RIMS2: variants seen among roughly 807,000 people sequenced by gnomAD.
RIMS2 encodes regulating synaptic membrane exocytosis protein 2.
A neutral mutation model predicts 174.4 loss-of-function variants in RIMS2; 59 were observed. The ratio of observed to expected loss-of-function variants is 0.34; its 90% CI spans 0.27 to 0.42. The LOEUF (loss-of-function observed/expected upper bound fraction) is 0.42, where lower values mean the gene tolerates loss of function less well. Ranked by LOEUF, RIMS2 falls within the 10% of genes least tolerant of loss-of-function variation. The pLI, the probability that RIMS2 is intolerant of heterozygous loss-of-function variation, is 1.00. For synonymous variants in RIMS2, 606 were observed against 572.5 expected (o/e 1.06, Z -0.84); for missense variants, 1,620 against 1,666.3 (o/e 0.97, Z 0.48).
At chr8:103,599,786 A>G (rs1227912259) in intron 1 of RIMS2, among the ~76,000 whole-genome samples, 1 of 151,922 alleles carries the variant, frequency 6.6e-6, no homozygotes, top group African/African-American at 2.4e-5. Flanking sequence ...TACATAGTAA[A>G]TATATATAGG....
At chr8:103,763,533 C>T (rs1533733) in intron 2 of RIMS2, among the ~76,000 whole-genome samples, 23,732 of 149,760 alleles carry the variant, frequency 0.16, 1,974 homozygotes, top group Middle Eastern at 0.25. Context: ...AGGAGGGATA[C>T]GGAATAAGGG....
At chr8:103,930,107 T>C (rs945251925) in intron 11 of RIMS2, among the ~76,000 whole-genome samples, 4 of 152,032 alleles carry the variant, frequency 2.6e-5, no homozygotes, top group African/African-American at 9.7e-5. Context: ...AGCAGCTAAA[T>C]TGGTAACTAT....
chr8:103,544,379 G>T (rs1239099337), intron 1 of RIMS2, among the ~76,000 whole-genome samples: 1 of 152,182 alleles, frequency 6.6e-6, no homozygotes, highest in Non-Finnish European at 1.5e-5. Flanking sequence ...GTGTAGCAGG[G>T]CAGGGCAAGT....
At chr8:103,946,141 G>A (rs143288989) in intron 14 of RIMS2, among the ~76,000 whole-genome samples, 5 of 152,264 alleles carry the variant, frequency 3.3e-5, no homozygotes, top group African/African-American at 1.2e-4. Flanking sequence ...GCAAGGTCCC[G>A]AGATACATGA....
intron 3 of RIMS2, among the ~76,000 whole-genome samples, chr8:103,837,940 CTTTTTTT>C (rs34876587): frequency 2.9e-5 from 4 of 135,736 alleles, no homozygotes; most frequent in African/African-American, 8.3e-5. Context: ...CTTTCTTTCT[CTTTTTTT>C]TTTTTTTTTT....
chr8:103,937,721 T>C (rs1169602697), intron 13 of RIMS2, among the ~76,000 whole-genome samples: 1 of 152,120 alleles, frequency 6.6e-6, no homozygotes, highest in Non-Finnish European at 1.5e-5. Context: ...GGTGAGGAGA[T>C]CTTGGTCAAT....
At chr8:103,541,288 C>T (rs553488984) in intron 1 of RIMS2, among the ~76,000 whole-genome samples, 31 of 152,164 alleles carry the variant, frequency 2.0e-4, no homozygotes, top group Non-Finnish European at 3.8e-4. Context: ...GGCCAACAGC[C>T]TGCTTCTCAG....
chr8:103,729,377 A>C (rs1377679157), intron 2 of RIMS2, among the ~76,000 whole-genome samples: 2 of 152,072 alleles, frequency 1.3e-5, no homozygotes, highest in African/African-American at 4.8e-5. Context: ...TGTTCATAGT[A>C]GCCTCTAATG....
intron 19 of RIMS2, among the ~76,000 whole-genome samples, chr8:104,166,078 TTTTTTTG>T (rs372520790): frequency 0.41 from 55,840 of 136,440 alleles, 11,526 homozygotes; most frequent in East Asian, 0.6. Flanking sequence ...TTTTTTTTTT[TTTTTTTG>T]AGACAGAGTC....
intron 19 of RIMS2, among the ~76,000 whole-genome samples, chr8:104,160,458 GTCAAATGTTTCTTATTTA>G (rs2098754269): frequency 6.6e-6 from 1 of 152,082 alleles, no homozygotes. Context: ...ATGGATATAT[GTCAAATGTTTCTTATTTA>G]TCATCTCATA....
intron 1 of RIMS2, among the ~76,000 whole-genome samples, chr8:103,565,838 A>G (rs2092287845): frequency 1.3e-5 from 2 of 152,204 alleles, no homozygotes; most frequent in Non-Finnish European, 2.9e-5. Flanking sequence ...GAGAGAGTTC[A>G]AGGACGAGTC....
intron 3 of RIMS2, among the ~76,000 whole-genome samples, chr8:103,854,144 T>G (rs895545371): frequency 1.3e-5 from 2 of 152,132 alleles, no homozygotes; most frequent in Non-Finnish European, 2.9e-5. Context: ...TTGTGGCTGT[T>G]GTAAATGGGA....
At chr8:103,672,814 C>T (rs1210036561) in intron 1 of RIMS2, among the ~76,000 whole-genome samples, 4 of 152,090 alleles carry the variant, frequency 2.6e-5, no homozygotes, top group Non-Finnish European at 4.4e-5. Context: ...TACAATCATG[C>T]CTTCACAACA....
intron 2 of RIMS2, among the ~76,000 whole-genome samples, chr8:103,750,422 T>C (rs1166013431): frequency 6.6e-6 from 1 of 152,166 alleles, no homozygotes; most frequent in Non-Finnish European, 1.5e-5. Context: ...ATTACAAAAT[T>C]ATAAGTCATT....
At chr8:103,937,694 A>T (rs1476956088) in intron 13 of RIMS2, among the ~76,000 whole-genome samples, 1 of 152,208 alleles carries the variant, frequency 6.6e-6, no homozygotes, top group Non-Finnish European at 1.5e-5. Context: ...CCTGAAGAGG[A>T]AATAAGAAGG....
At chr8:103,591,611 C>T (rs1386857235) in intron 1 of RIMS2, among the ~76,000 whole-genome samples, 2 of 151,036 alleles carry the variant, frequency 1.3e-5, no homozygotes, top group East Asian at 1.9e-4. Flanking sequence ...GTTGACATTC[C>T]TTTTAAAAAT....
At chr8:103,565,456 C>A (rs2092234279) in intron 1 of RIMS2, among the ~76,000 whole-genome samples, 2 of 152,064 alleles carry the variant, frequency 1.3e-5, no homozygotes, top group African/African-American at 4.8e-5. Context: ...AGGCATGCAC[C>A]ACCACACCTG....
At chr8:104,214,147 G>A (rs66973237) in intron 19 of RIMS2, among the ~76,000 whole-genome samples, 25,996 of 152,046 alleles carry the variant, frequency 0.17, 3,313 homozygotes, top group East Asian at 0.51. Context: ...TCAAGGAGAA[G>A]CATTACAGCA....
chr8:103,792,277 C>CCTCTCA (rs2098506499), intron 3 of RIMS2, among the ~76,000 whole-genome samples: 1 of 152,180 alleles, frequency 6.6e-6, no homozygotes, highest in African/African-American at 2.4e-5. Context: ...TCACTCAAAA[C>CCTCTCA]CTCTCACCTA....
Sources: allele counts gnomAD v4.1 joint callset (sites outside exome capture counted in the v4.1 genomes callset), GRCh38; gene constraint gnomAD v4.1.1; transcripts MANE v1.5; gene names NCBI Gene and HGNC (gene_info 2026-07-23, HGNC 2026-07-21).